Variants in SLC18A2 observed in about 807,000 individuals in gnomAD.
SLC18A2 encodes the protein solute carrier family 18 member A2.
Under a neutral mutation model 59.2 loss-of-function variants are expected in SLC18A2, and 33 were observed. The observed-to-expected ratio is 0.56, with a 90% CI of 0.42 to 0.75. SLC18A2 has a LOEUF of 0.75. Ranked by LOEUF, SLC18A2 falls within the 30% of genes least tolerant of loss-of-function variation. The pLI, the probability that SLC18A2 is intolerant of heterozygous loss-of-function variation, is 0.00. For missense variants in SLC18A2, 569 were observed against 668.6 expected (o/e 0.85, Z 1.64); for synonymous variants, 228 against 253.5 (o/e 0.90, Z 0.95).
intron 2 of SLC18A2, 100 bp downstream of exon 2, chr10:117,241,914 C>T: frequency 8.1e-7 from 1 of 1,231,110 alleles, no homozygotes; most frequent in Non-Finnish European, 1.1e-6. Context: ...TCCGCCAAGG[C>T]CCGGGAAAGT....
chr10:117,270,274 C>T (rs1178461432), intron 14 of SLC18A2, 56 bp from the exon 15 acceptor site: 7 of 1,612,888 alleles, frequency 4.3e-6, no homozygotes, highest in Non-Finnish European at 5.1e-6. Flanking sequence ...ATCTTTGCAT[C>T]TTTCAGTCTA....
intron 10 of SLC18A2, among the ~76,000 whole-genome samples, chr10:117,259,666 T>C (rs1860404): frequency 0.71 from 107,411 of 152,176 alleles, 39,643 homozygotes; most frequent in Middle Eastern, 0.86. Flanking sequence ...TTCGGGCCAC[T>C]GTTCTGTTGT....
intron 3 of SLC18A2, among the ~76,000 whole-genome samples, chr10:117,246,240 G>A (rs948655098): frequency 2.6e-5 from 4 of 152,222 alleles, no homozygotes; most frequent in African/African-American, 9.6e-5. Flanking sequence ...CACTTGGGTG[G>A]AACGTTACTA....
rs755764813 is a variant in SLC18A2, at chr10:117,262,814, C to A, written c.992-3919C>A. Among the ~76,000 whole-genome samples, 3 of 152,252 alleles carry A rather than the reference C, an allele frequency of 2.0e-5. No individual in the cohort carries two copies. In the South Asian group the frequency reaches 6.2e-4, roughly 32 times the overall value. ...CCTCTCAAAGTATTGGGATTACAGG[C>A]GTGAACTGGGTCTCCCGGCCACCTA... On this transcript the variant is annotated intron_variant, in intron 10 of 15. Transcript: ENST00000644641.
chr10:117,271,260 AC>A (rs1021938936), intron 15 of SLC18A2, among the ~76,000 whole-genome samples: 3 of 152,204 alleles, frequency 2.0e-5, no homozygotes, highest in African/African-American at 7.2e-5. Context: ...AATGAGGTGA[AC>A]AAGAGGACAT....
At position 117,254,505 on chromosome 10, in the gene SLC18A2, AG is replaced by A. The variant is rs369237525; in HGVS notation, c.700+10del. On this transcript the variant is annotated intron_variant, in intron 6 of 15. Transcript: ENST00000644641. ...TGGCCATGGGGGTCTTAGGTGGGTA[AG>A]GCCCCCGTGTAGGCAAACTGGCAAG... The A allele has an allele frequency of 7.5e-6, 12 of 1,592,110 alleles. No individual in the cohort carries two copies. Among genetic ancestry groups the A allele is most frequent in the African/African-American group, 2.7e-5 (2 of 74,458 alleles).
In SLC18A2 at chr10:117,254,141, G is replaced by T. The variant is rs1844198672; in HGVS notation, c.607+10G>T. ...TGCTCCTCTGTGGCTGGTAGGTGTG[G>T]AATGCCTGAGTGAGTTCGTGAGGGG... On this transcript the variant is annotated intron_variant, in intron 5 of 15. Coordinates refer to ENST00000644641, the MANE Select transcript of SLC18A2 (RefSeq NM_003054.6). The T allele has an allele frequency of 6.2e-7, 1 of 1,612,906 alleles. No individual in the cohort carries two copies. Among genetic ancestry groups the T allele is most frequent in the Non-Finnish European group, 8.5e-7 (1 of 1,179,842 alleles).
intron 15 of SLC18A2, among the ~76,000 whole-genome samples, chr10:117,271,545 T>C (rs1236585285): frequency 6.6e-6 from 1 of 152,256 alleles, no homozygotes; most frequent in Non-Finnish European, 1.5e-5. Context: ...TTGTGCCCTT[T>C]ATTTTAAATA....
chr10:117,255,411 G>A (rs1844217417), intron 7 of SLC18A2, 45 bp downstream of exon 7: 1 of 1,613,742 alleles, frequency 6.2e-7, no homozygotes, highest in South Asian at 1.1e-5. Flanking sequence ...TTGGCATCGT[G>A]CTGGCACGCG....
At chr10:117,241,502 G>A (rs1469622399) in intron 1 of SLC18A2, among the ~76,000 whole-genome samples, 177 bp from the exon 2 acceptor site, 1 of 151,832 alleles carries the variant, frequency 6.6e-6, no homozygotes, top group Non-Finnish European at 1.5e-5. Context: ...CTCTTTCCAG[G>A]GAGCGCGGGC....
rs145627081 is a variant in SLC18A2, at chr10:117,272,417, T to A, written c.1440+1954T>A. On this transcript the variant is annotated intron_variant, in intron 15 of 15. Coordinates refer to ENST00000644641, the MANE Select transcript of SLC18A2 (RefSeq NM_003054.6). ...TTGTGAACGGCAGCCTGATGGCTTA[T>A]CTGTGGCCTTGGGGAAATGAATGAG... 2.1e-3 allele frequency among the ~76,000 whole-genome samples: 322 copies of A among 152,312 alleles called. 1 individual carries two copies. Among genetic ancestry groups the A allele is most frequent in the African/African-American group, 7.6e-3 (314 of 41,564 alleles).
In SLC18A2 at chr10:117,255,533, G is replaced by A. The variant is rs1327912351; in HGVS notation, c.834+11G>A. ...CGGGTGCAGCCAGAGGTAAGCGGCTGGGAATGAGGGCCCTGGGGGAGGGGG... is the reference window on the plus strand; with the variant it reads ...CGGGTGCAGCCAGAGGTAAGCGGCTAGGAATGAGGGCCCTGGGGGAGGGGG... On this transcript the variant is annotated intron_variant, in intron 8 of 15. Coordinates refer to ENST00000644641, the MANE Select transcript of SLC18A2 (RefSeq NM_003054.6). The A allele has an allele frequency of 6.2e-7, 1 of 1,614,146 alleles. No individual in the cohort carries two copies. Among genetic ancestry groups the A allele is most frequent in the Non-Finnish European group, 8.5e-7 (1 of 1,180,028 alleles).
At position 117,252,134 on chromosome 10, in the gene SLC18A2, A is replaced by ATTTTTTTT. The variant is rs57101171; in HGVS notation, c.465-1243_465-1236dup. The stretch of plus-strand genomic sequence containing the variant: ...CTACTATGCCTGACTCATTTTTTGT[A>ATTTTTTTT]TTTTTTTTTTTTTTTTTTTTTTTTT... On this transcript the variant is annotated intron_variant, in intron 3 of 15. Transcript: ENST00000644641. 1.2e-3 allele frequency among the ~76,000 whole-genome samples: 54 copies of ATTTTTTTT among 44,352 alleles called. 2 individuals are homozygous for ATTTTTTTT. Among genetic ancestry groups the ATTTTTTTT allele is most frequent in the East Asian group, 3.2e-3 (4 of 1,246 alleles). 29.1% of individuals were successfully genotyped at this position (44,352 alleles called of 152,430 possible).
At chr10:117,241,590 C>T (rs1333294390) in intron 1 of SLC18A2, 89 bp from the exon 2 acceptor site, 1 of 1,331,432 alleles carries the variant, frequency 7.5e-7, no homozygotes, top group Non-Finnish European at 9.7e-7. Context: ...GTGCGCGCGG[C>T]TCCCTGACCC....
intron 13 of SLC18A2, chr10:117,268,374 G>A (rs962182476): frequency 2.0e-5 from 3 of 152,348 alleles, no homozygotes; most frequent in African/African-American, 7.2e-5. Flanking sequence ...TTTCACTGAG[G>A]ACAGATGGTA....
At position 117,278,148 on chromosome 10, in the gene SLC18A2, C is replaced by G. The variant is rs1413769701; in HGVS notation, c.*882C>G. On this transcript the variant is annotated 3_prime_UTR_variant, in exon 16 of 16. Coordinates refer to ENST00000644641, the MANE Select transcript of SLC18A2 (RefSeq NM_003054.6). ...CTACTTCAAGTTTTAGAAAAGGAAA[C>G]AAGAAGCTGAAAACAGCTGCTCTGA... is the stretch of plus-strand genomic sequence containing the variant. 1.3e-5 allele frequency: 2 copies of G among 152,142 alleles called. No homozygotes were observed. The highest frequency in any genetic ancestry group is 4.8e-5 in the African/African-American group (2 of 41,442). The allele number at this position is 152,142 out of a possible 1,614,324, so 9.4% of individuals were successfully genotyped here.
At position 117,241,683 on chromosome 10, in the gene SLC18A2, GC is replaced by G; in HGVS notation, c.-7del. On this transcript the variant is annotated 5_prime_UTR_variant, in exon 2 of 16. Coordinates refer to ENST00000644641, the MANE Select transcript of SLC18A2 (RefSeq NM_003054.6). ...CACCGCGCACCGCGCCCGCAGCGGA[GC>G]CCCGGAGCCATGGCCCTGAGCGAGC... The G allele has an allele frequency of 6.4e-7, 1 of 1,574,782 alleles. No individual in the cohort carries two copies.
intron 9 of SLC18A2, among the ~76,000 whole-genome samples, chr10:117,257,275 T>C (rs1372352306): frequency 6.6e-6 from 1 of 152,154 alleles, no homozygotes; most frequent in Non-Finnish European, 1.5e-5. Context: ...GGTGCCCTTA[T>C]GTACCGCTGA....
At chr10:117,253,357 A>G (rs369257478) in intron 3 of SLC18A2, 42 bp from the exon 4 acceptor site, 3 of 1,451,098 alleles carry the variant, frequency 2.1e-6, no homozygotes, top group African/African-American at 2.8e-5. Flanking sequence ...TTAAAAAAAT[A>G]GCCTGCAGTC....
Sources: allele counts gnomAD v4.1 joint callset (sites outside exome capture counted in the v4.1 genomes callset), GRCh38; gene constraint gnomAD v4.1.1; transcripts MANE v1.5; gene names NCBI Gene and HGNC (gene_info 2026-07-23, HGNC 2026-07-21).